The following PSD3 variants were observed in gnomAD, a reference collection of about 807,000 sequenced individuals.
PSD3 encodes pleckstrin and Sec7 domain containing 3, also known as PH and SEC7 domain-containing protein 3.
A neutral mutation model predicts 105.5 loss-of-function variants in PSD3; 49 were observed. The ratio of observed to expected loss-of-function variants is 0.46; its 90% CI spans 0.37 to 0.59. PSD3 has a LOEUF of 0.59. Among genes scored for constraint, PSD3 ranks in the 20% least tolerant of loss-of-function variants. The pLI is 0.00. For synonymous variants in PSD3, 557 were observed against 457.8 expected (o/e 1.22, Z -2.77); for missense variants, 1,561 against 1,263.8 (o/e 1.24, Z -3.57).
chr8:19,016,970 G>A (rs780180391), upstream of PSD3, among the ~76,000 whole-genome samples: 1 of 151,662 alleles, frequency 6.6e-6, no homozygotes, highest in Non-Finnish European at 1.5e-5. Context: ...TATTACAATG[G>A]CAATTAAATT....
At chr8:18,691,331 C>T (rs754992534) in intron 9 of PSD3, among the ~76,000 whole-genome samples, 9 of 152,268 alleles carry the variant, frequency 5.9e-5, no homozygotes, top group Middle Eastern at 3.4e-3. Flanking sequence ...TTTAGAAGTA[C>T]GGACAATGCA....
chr8:18,719,819 A>G (rs1368284220), intron 9 of PSD3, among the ~76,000 whole-genome samples: 2 of 152,230 alleles, frequency 1.3e-5, no homozygotes, highest in East Asian at 1.9e-4. Flanking sequence ...GTAGGAATAT[A>G]GCATATATCT....
intron 14 of PSD3, among the ~76,000 whole-genome samples, chr8:18,568,481 C>T (rs1252090782): frequency 3.8e-5 from 5 of 132,922 alleles, no homozygotes; most frequent in Non-Finnish European, 7.1e-5. Flanking sequence ...GGTGAGACTC[C>T]AGAAGCAGGT....
At chr8:18,579,448 G>A (rs1802669821) in intron 12 of PSD3, among the ~76,000 whole-genome samples, 1 of 152,208 alleles carries the variant, frequency 6.6e-6, no homozygotes, top group Non-Finnish European at 1.5e-5. Context: ...TAAATGAGGG[G>A]TGAAAATGAT....
chr8:18,638,193 C>A (rs1807406489), intron 10 of PSD3, among the ~76,000 whole-genome samples: 1 of 151,502 alleles, frequency 6.6e-6, no homozygotes, highest in Non-Finnish European at 1.5e-5. Flanking sequence ...ACTGTTACAG[C>A]CCACAGCTAA....
At position 18,769,970 on chromosome 8, in the gene PSD3, T is replaced by C. The variant is rs1039624009; in HGVS notation, c.2083-4432A>G. ...ATGTATAAGTTTCTGTGTAAACATGTTTTCATTCCTCCTGGGCATATATTT... is the reference window on the plus strand; with the variant it reads ...ATGTATAAGTTTCTGTGTAAACATGCTTTCATTCCTCCTGGGCATATATTT... On this transcript the variant is annotated intron_variant, in intron 8 of 15. Coordinates refer to ENST00000327040, the MANE Select transcript of PSD3 (RefSeq NM_015310.4). Among the ~76,000 whole-genome samples, 3 of 152,218 alleles carry C rather than the reference T, an allele frequency of 2.0e-5. No individual in the cohort carries two copies. In the South Asian group the frequency reaches 6.2e-4, roughly 32 times the overall value.
At chr8:18,591,553 TCACTCACAG>T (rs1803607652) in intron 12 of PSD3, among the ~76,000 whole-genome samples, 1 of 152,112 alleles carries the variant, frequency 6.6e-6, no homozygotes, top group South Asian at 2.1e-4. Flanking sequence ...CTTTCTCACC[TCACTCACAG>T]CACTAACAGA....
rs1810479670 is a variant in PSD3 at position 18,799,340 on chromosome 8, G to A, written c.2037C>T (p.Cys679=). 1.2e-6 allele frequency: 2 copies of A among 1,606,180 alleles called. No individual in the cohort carries two copies. The highest frequency in any genetic ancestry group is 8.5e-7 in the Non-Finnish European group (1 of 1,173,814). The stretch of plus-strand genomic sequence containing the variant: ...TAAGAAGCATTATTGCACAGGTAAG[G>A]CAATGGACTCCATCTAAAGAAAGAT... ...DTIASQDGVH[C]LTCAIMLLNT... The change falls in exon 8 of 16, where the codon TGC becomes TGT. Residue 679 remains cysteine, a synonymous_variant. Coordinates refer to ENST00000327040, the MANE Select transcript of PSD3 (RefSeq NM_015310.4).
chr8:19,043,817 A>T (rs749624823), intron 1 of PSD3, among the ~76,000 whole-genome samples: 1 of 152,216 alleles, frequency 6.6e-6, no homozygotes, highest in Admixed American at 6.5e-5. Context: ...CAGCCTCCAG[A>T]ATGGTGAGAC....
chr8:18,781,052 T>A (rs913802844), intron 8 of PSD3, among the ~76,000 whole-genome samples: 1 of 152,164 alleles, frequency 6.6e-6, no homozygotes, highest in Non-Finnish European at 1.5e-5. Context: ...ACAGTTGTGT[T>A]TTTTTGTTTG....
chr8:18,895,198 CCAGAGAAGCAGAA>C (rs1219007085), intron 2 of PSD3, among the ~76,000 whole-genome samples: 17 of 152,300 alleles, frequency 1.1e-4, no homozygotes, highest in African/African-American at 4.1e-4. Flanking sequence ...TTGGGCATAT[CCAGAGAAGCAGAA>C]TACAGCAAAG....
At chr8:18,978,919 C>A (rs994717270) in intron 1 of PSD3, among the ~76,000 whole-genome samples, 6 of 152,068 alleles carry the variant, frequency 3.9e-5, no homozygotes, top group African/African-American at 1.5e-4. Flanking sequence ...GAAGCCACAA[C>A]CACAGAAGAG....
intron 1 of PSD3, among the ~76,000 whole-genome samples, chr8:19,008,986 G>C (rs993441903): frequency 9.2e-5 from 14 of 152,184 alleles, no homozygotes; most frequent in African/African-American, 3.4e-4. Context: ...TCTCTGAGGT[G>C]ATGCAATTAG....
chr8:18,568,859 C>T (rs1355594763), intron 14 of PSD3, among the ~76,000 whole-genome samples: 1 of 151,200 alleles, frequency 6.6e-6, no homozygotes, highest in Non-Finnish European at 1.5e-5. Flanking sequence ...CTCCCCACTC[C>T]CCCGACCCCA....
chr8:18,699,734 G>A (rs1174293729), intron 9 of PSD3, among the ~76,000 whole-genome samples: 1 of 148,670 alleles, frequency 6.7e-6, no homozygotes, highest in Non-Finnish European at 1.5e-5. Flanking sequence ...GGATAGGCAT[G>A]GTAGGCTATA....
chr8:18,945,935 T>C (rs557211793), intron 1 of PSD3, among the ~76,000 whole-genome samples: 6 of 152,170 alleles, frequency 3.9e-5, no homozygotes, highest in East Asian at 1.9e-4. Flanking sequence ...GATCGCGCCA[T>C]GCACTCCAGC....
Position 18,528,427 on chromosome 8 carries a change from T to C in PSD3, c.*7316A>G, listed in dbSNP as rs1799512717. ...AGAGAATCTTTGTCATGACGTTTGT[T>C]CATGTGCCACGCTCAGTGACTCAGT... On this transcript the variant is annotated 3_prime_UTR_variant, in exon 16 of 16. Coordinates refer to ENST00000327040, the MANE Select transcript of PSD3 (RefSeq NM_015310.4). 1 of 152,178 alleles carries C rather than the reference T, an allele frequency of 6.6e-6. No homozygotes were observed. The highest frequency in any genetic ancestry group is 1.5e-5 in the Non-Finnish European group (1 of 68,016). 9.4% of individuals were successfully genotyped at this position (152,178 alleles called of 1,614,324 possible). A position where few individuals can be genotyped will look rare whatever the true frequency, so the allele number is the denominator to read the frequency against.
chr8:18,946,241 G>T (rs1340344337), intron 1 of PSD3, among the ~76,000 whole-genome samples: 1 of 152,064 alleles, frequency 6.6e-6, no homozygotes, highest in Non-Finnish European at 1.5e-5. Flanking sequence ...CAATAAAGAG[G>T]AAGATTCAAG....
intron 9 of PSD3, among the ~76,000 whole-genome samples, chr8:18,662,809 C>T (rs967732258): frequency 4.6e-5 from 7 of 152,128 alleles, no homozygotes; most frequent in Admixed American, 3.3e-4. Flanking sequence ...GGTTTTTGAT[C>T]AATAGCATGA....
Sources: allele counts gnomAD v4.1 joint callset (sites outside exome capture counted in the v4.1 genomes callset), GRCh38; gene constraint gnomAD v4.1.1; transcripts MANE v1.5; gene names NCBI Gene and HGNC (gene_info 2026-07-23, HGNC 2026-07-21).